ASTN1: variants seen among roughly 807,000 people sequenced by gnomAD.
ASTN1 encodes the protein astrotactin-1.
Under a neutral mutation model 140.7 loss-of-function variants are expected in ASTN1, and 41 were observed. The ratio of observed to expected loss-of-function variants is 0.29; its 90% CI spans 0.23 to 0.38. The LOEUF is 0.38. Among genes scored for constraint, ASTN1 ranks in the 10% least tolerant of loss-of-function variants. ASTN1 has a pLI of 1.00. For synonymous variants in ASTN1, 640 were observed against 652.2 expected (o/e 0.98, Z 0.29); for missense variants, 1,479 against 1,678.8 (o/e 0.88, Z 2.08).
At chr1:177,095,016 C>T (rs569932852) in intron 1 of ASTN1, among the ~76,000 whole-genome samples, 15 of 152,256 alleles carry the variant, frequency 9.9e-5, no homozygotes, top group African/African-American at 1.7e-4. Context: ...CATAAAGCAA[C>T]GAAGAACTTG....
intron 1 of ASTN1, among the ~76,000 whole-genome samples, chr1:177,071,877 GAGGGA>G (rs1678655620): frequency 1.3e-5 from 2 of 152,162 alleles, no homozygotes; most frequent in Non-Finnish European, 2.9e-5. Flanking sequence ...GTGGAGTGTA[GAGGGA>G]ATTCCACAAA....
intron 5 of ASTN1, among the ~76,000 whole-genome samples, chr1:177,026,148 C>A (rs989634002): frequency 2.6e-5 from 4 of 152,118 alleles, no homozygotes; most frequent in African/African-American, 9.7e-5. Context: ...CATGTGTTGG[C>A]AGTAGCTGGA....
At chr1:176,879,372 G>C (rs1227486674) in intron 20 of ASTN1, among the ~76,000 whole-genome samples, 1 of 152,140 alleles carries the variant, frequency 6.6e-6, no homozygotes, top group African/African-American at 2.4e-5. Context: ...GTGCAGCTCT[G>C]GGCCACATGA....
chr1:177,141,770 G>A (rs1338853362), intron 1 of ASTN1, among the ~76,000 whole-genome samples: 1 of 152,210 alleles, frequency 6.6e-6, no homozygotes, highest in East Asian at 1.9e-4. Context: ...TGGTCCTGAA[G>A]CTAGGTGGAG....
At chr1:176,965,523 T>A (rs1260010587) in intron 8 of ASTN1, among the ~76,000 whole-genome samples, 3 of 152,246 alleles carry the variant, frequency 2.0e-5, no homozygotes, top group Admixed American at 2.0e-4. Context: ...AGATGTCACA[T>A]ATTCATAATT....
At chr1:177,106,219 T>G (rs1680537696) in intron 1 of ASTN1, among the ~76,000 whole-genome samples, 1 of 152,148 alleles carries the variant, frequency 6.6e-6, no homozygotes, top group Admixed American at 6.5e-5. Flanking sequence ...TAAATAGTAT[T>G]TTTATTATTT....
chr1:177,082,712 C>T (rs1166111002), intron 1 of ASTN1, among the ~76,000 whole-genome samples: 1 of 152,172 alleles, frequency 6.6e-6, no homozygotes, highest in Admixed American at 6.5e-5. Flanking sequence ...AAGAATAACA[C>T]TGGCCCCTTG....
chr1:176,980,694 C>A (rs886851763), intron 8 of ASTN1, among the ~76,000 whole-genome samples: 1 of 151,882 alleles, frequency 6.6e-6, no homozygotes, highest in Admixed American at 6.6e-5. Context: ...TGGAATGGGG[C>A]AAGGAGAAGC....
intron 1 of ASTN1, among the ~76,000 whole-genome samples, chr1:177,143,872 T>C (rs1231917209): frequency 6.6e-6 from 1 of 152,144 alleles, no homozygotes; most frequent in African/African-American, 2.4e-5. Context: ...CGTACTACAA[T>C]TGGCAAAATG....
intron 1 of ASTN1, among the ~76,000 whole-genome samples, chr1:177,110,925 CT>C (rs1680797071): frequency 6.6e-6 from 1 of 152,160 alleles, no homozygotes; most frequent in Admixed American, 6.5e-5. Context: ...ATGAAGTGGG[CT>C]TGATTTAGAA....
At chr1:176,938,464 A>C (rs5020909) in intron 14 of ASTN1, among the ~76,000 whole-genome samples, 17,908 of 152,282 alleles carry the variant, frequency 0.12, 1,337 homozygotes, top group Admixed American at 0.18. Flanking sequence ...GGGAAAAAGA[A>C]ACAGGAAAGG....
chr1:177,100,490 A>G (rs1025440879), intron 1 of ASTN1, among the ~76,000 whole-genome samples: 17 of 152,100 alleles, frequency 1.1e-4, no homozygotes, highest in African/African-American at 2.9e-4. Flanking sequence ...CCTGAAGCCA[A>G]TTTTTTAAAG....
At chr1:176,900,879 C>A (rs1369300693) in intron 16 of ASTN1, among the ~76,000 whole-genome samples, 1 of 152,160 alleles carries the variant, frequency 6.6e-6, no homozygotes, top group African/African-American at 2.4e-5. Context: ...CCTTGAAGGA[C>A]AAAATTATGC....
intron 8 of ASTN1, among the ~76,000 whole-genome samples, chr1:176,986,239 T>G (rs538121994): frequency 2.2e-4 from 34 of 152,318 alleles, no homozygotes; most frequent in African/African-American, 8.2e-4. Flanking sequence ...AAGAAATAAC[T>G]GCAGAAAAGG....
chr1:176,871,152 T>A (rs1234893015), intron 21 of ASTN1, among the ~76,000 whole-genome samples: 4 of 152,142 alleles, frequency 2.6e-5, no homozygotes, highest in African/African-American at 9.7e-5. Context: ...TTGCACTGAT[T>A]GGGCCCCAGA....
chr1:176,923,836 T>C (rs1670843870), intron 16 of ASTN1, among the ~76,000 whole-genome samples: 1 of 152,200 alleles, frequency 6.6e-6, no homozygotes, highest in Admixed American at 6.5e-5. Flanking sequence ...CCAAAAGATG[T>C]GAAAACTCCA....
At chr1:177,138,347 A>G (rs1682296027) in intron 1 of ASTN1, among the ~76,000 whole-genome samples, 1 of 152,194 alleles carries the variant, frequency 6.6e-6, no homozygotes, top group South Asian at 2.1e-4. Flanking sequence ...GCTGGTTGGG[A>G]TAATACACTA....
chr1:177,031,050 A>C (rs1676413286), intron 3 of ASTN1, 98 bp from the exon 4 acceptor site: 2 of 1,336,420 alleles, frequency 1.5e-6, no homozygotes, highest in South Asian at 1.6e-5. Context: ...AAGGTCTCAC[A>C]GAATTGAAAT....
intron 14 of ASTN1, among the ~76,000 whole-genome samples, chr1:176,942,389 T>C (rs6672307): frequency 0.049 from 7,382 of 152,164 alleles, 214 homozygotes; most frequent in African/African-American, 0.08. Context: ...CACTATGCTA[T>C]ATTATATCAG....
Sources: allele counts gnomAD v4.1 joint callset (sites outside exome capture counted in the v4.1 genomes callset), GRCh38; gene constraint gnomAD v4.1.1; transcripts MANE v1.5; gene names NCBI Gene and HGNC (gene_info 2026-07-23, HGNC 2026-07-21).